Variants in DAPK1 observed in about 807,000 individuals in gnomAD.
DAPK1 encodes the protein death associated protein kinase 1, also known as death-associated protein kinase 1.
DAPK1 carries 56 observed loss-of-function variants against 144.9 expected under a neutral mutation model. The observed-to-expected ratio is 0.39, with a 90% CI of 0.31 to 0.48. DAPK1 has a LOEUF of 0.48. Among genes scored for constraint, DAPK1 ranks in the 20% least tolerant of loss-of-function variants. DAPK1 has a pLI of 0.95. For synonymous variants in DAPK1, 690 were observed against 749.0 expected, an observed-to-expected ratio of 0.92 and a Z score of 1.29; for missense variants, 1,454 against 1,875.4, an observed-to-expected ratio of 0.78 and a Z score of 4.15.
intron 2 of DAPK1, among the ~76,000 whole-genome samples, chr9:87,545,765 G>A (rs1344073676): frequency 1.3e-5 from 2 of 151,848 alleles, no homozygotes; most frequent in African/African-American, 2.4e-5. Context: ...GGCTGGTCTC[G>A]AACTCCTGAC....
chr9:87,668,670 GA>G lies in DAPK1; in HGVS notation c.2000del (p.Lys667ArgfsTer38). On this transcript the variant is annotated frameshift_variant, in exon 19 of 26. Coordinates refer to ENST00000408954, the MANE Select transcript of DAPK1 (RefSeq NM_004938.4). LOFTEE classifies it high-confidence loss of function. ...EHVAGLLARL[R>X]KDTHRGLFIQ... is the part of the protein sequence containing the mutation. The stretch of plus-strand genomic sequence containing the variant: ...GTAGCAGGTCTCCTTGCAAGACTTC[GA>G]AAGGTGAGAAGTTCTGTTATAGGTC... 1.6e-6 allele frequency: 2 copies of G among 1,240,312 alleles called. No individual in the cohort carries two copies. Among genetic ancestry groups the G allele is most frequent in the Non-Finnish European group, 2.4e-6 (2 of 838,200 alleles). The allele number at this position is 1,240,312 out of a possible 1,614,324, so 76.8% of individuals were successfully genotyped here.
At chr9:87,616,359 T>C (rs1470019022) in intron 3 of DAPK1, among the ~76,000 whole-genome samples, 1 of 152,162 alleles carries the variant, frequency 6.6e-6, no homozygotes, top group Admixed American at 6.5e-5. Context: ...CTTGGCCCAA[T>C]ACATGGATGT....
intron 2 of DAPK1, among the ~76,000 whole-genome samples, chr9:87,556,674 T>G (rs7855623): frequency 6.6e-6 from 1 of 151,964 alleles, no homozygotes; most frequent in African/African-American, 2.4e-5. Context: ...GTCTTTCACT[T>G]GTGATCATGG....
intron 2 of DAPK1, among the ~76,000 whole-genome samples, chr9:87,545,281 A>G (rs1044680500): frequency 1.3e-5 from 2 of 152,180 alleles, no homozygotes; most frequent in Non-Finnish European, 2.9e-5. Context: ...AGCTTTAGAA[A>G]GGGTTCCTGA....
intron 18 of DAPK1, among the ~76,000 whole-genome samples, chr9:87,660,237 G>T (rs574143348): frequency 6.6e-6 from 1 of 152,090 alleles, no homozygotes; most frequent in South Asian, 2.1e-4. Flanking sequence ...GGCCTTCCCC[G>T]CAGGGAACCG....
At position 87,657,863 on chromosome 9, in the gene DAPK1, G is replaced by T. The variant is rs554211801; in HGVS notation, c.1825-166G>T. On this transcript the variant is annotated intron_variant, in intron 17 of 25. Coordinates refer to ENST00000408954, the MANE Select transcript of DAPK1 (RefSeq NM_004938.4). ...ATTGCAAAGTACTTGGAAAGGTTCT[G>T]CCTGGCTGGCCTGCCCCAGTGGAGA... The T allele has an allele frequency of 1.4e-4, 87 of 631,946 alleles. No individual in the cohort carries two copies. In the East Asian group the frequency reaches 1.8e-3, roughly 13 times the overall value. The allele number at this position is 631,946 out of a possible 1,614,324, so 39.1% of individuals were successfully genotyped here. A position where few individuals can be genotyped will look rare whatever the true frequency, so the allele number is the denominator to read the frequency against.
chr9:87,581,799 A>G (rs1195293851), intron 2 of DAPK1, among the ~76,000 whole-genome samples: 1 of 152,246 alleles, frequency 6.6e-6, no homozygotes. Flanking sequence ...CCACCGGGGA[A>G]CAAACCAGCA....
chr9:87,667,147 A>G (rs72747880), intron 18 of DAPK1, among the ~76,000 whole-genome samples: 6,535 of 152,284 alleles, frequency 0.043, 176 homozygotes, highest in East Asian at 0.11. Context: ...CAAAAAAACT[A>G]GAGCATTTGG....
intron 1 of DAPK1, 27 bp downstream of exon 1, chr9:87,498,134 T>TC: frequency 2.5e-6 from 1 of 396,898 alleles, no homozygotes; most frequent in Non-Finnish European, 4.4e-6. Context: ...GGCTCCCCGG[T>TC]CCCCCCGACC....
chr9:87,670,841 A>G (rs1587831147), intron 19 of DAPK1, among the ~76,000 whole-genome samples: 1 of 152,078 alleles, frequency 6.6e-6, no homozygotes, highest in East Asian at 1.9e-4. Context: ...GACCTGCAAC[A>G]CCCTGTCAGG....
At chr9:87,563,318 G>C (rs954127697) in intron 2 of DAPK1, among the ~76,000 whole-genome samples, 1 of 152,190 alleles carries the variant, frequency 6.6e-6, no homozygotes, top group African/African-American at 2.4e-5. Flanking sequence ...AGATGAATAT[G>C]ATTTTTAAGC....
At chr9:87,620,227 G>A (rs13283404) in intron 3 of DAPK1, among the ~76,000 whole-genome samples, 45,111 of 151,972 alleles carry the variant, frequency 0.3, 8,229 homozygotes, top group African/African-American at 0.51. Context: ...TCCTCTCAGG[G>A]CCAGGTGTTT....
At chr9:87,647,454 T>C (rs1268316106) in intron 14 of DAPK1, 51 bp downstream of exon 14, 3 of 1,440,324 alleles carry the variant, frequency 2.1e-6, no homozygotes, top group South Asian at 1.1e-5. Context: ...AATGGATGCA[T>C]GTGAGTGTGA....
chr9:87,602,550 A>T (rs1407817464), intron 2 of DAPK1, among the ~76,000 whole-genome samples: 1 of 152,130 alleles, frequency 6.6e-6, no homozygotes, highest in African/African-American at 2.4e-5. Flanking sequence ...GGAGGTGAAA[A>T]CGCACGTGGA....
chr9:87,534,105 G>A (rs969024724), intron 2 of DAPK1, among the ~76,000 whole-genome samples: 1 of 63,902 alleles, frequency 1.6e-5, no homozygotes, highest in Admixed American at 1.3e-4. Flanking sequence ...AATTTCTTGC[G>A]ATTTTTTTTT....
At chr9:87,603,732 A>G (rs1019681660) in intron 2 of DAPK1, among the ~76,000 whole-genome samples, 1 of 152,176 alleles carries the variant, frequency 6.6e-6, no homozygotes, top group Non-Finnish European at 1.5e-5. Flanking sequence ...TTCCTTGGGC[A>G]CTAGGGAAGA....
chr9:87,650,675 C>A (rs1250937525), intron 16 of DAPK1, among the ~76,000 whole-genome samples: 1 of 152,182 alleles, frequency 6.6e-6, no homozygotes, highest in African/African-American at 2.4e-5. Flanking sequence ...TTAATATCTG[C>A]CCTTTGTGAA....
chr9:87,650,447 G>C (rs144521000), intron 16 of DAPK1: 50 of 258,270 alleles, frequency 1.9e-4, no homozygotes, highest in Non-Finnish European at 1.3e-4. Context: ...TTGGCAACAC[G>C]CTATTAATTT....
intron 2 of DAPK1, among the ~76,000 whole-genome samples, chr9:87,508,161 G>A (rs1824680796): frequency 6.6e-6 from 1 of 151,630 alleles, no homozygotes; most frequent in East Asian, 1.9e-4. Flanking sequence ...ACAGGCACCC[G>A]CCACGACGCC....
Sources: gnomAD v4.1 joint callset for allele counts (sites outside exome capture counted in the v4.1 genomes callset) on GRCh38, gnomAD v4.1.1 for gene constraint, MANE v1.5 for transcripts, NCBI Gene and HGNC (gene_info 2026-07-23, HGNC 2026-07-21) for gene names.